Variants in USH2A observed in about 807,000 individuals in gnomAD.
USH2A encodes the protein usherin.
USH2A carries 443 observed loss-of-function variants against 538.9 expected under a neutral mutation model. The observed-to-expected ratio is 0.82, with a 90% CI of 0.76 to 0.89. The LOEUF (loss-of-function observed/expected upper bound fraction) is 0.89. USH2A is among the 40% of genes least tolerant of loss of function. The pLI is 0.00. For synonymous variants in USH2A, 2,413 were observed against 2,273.5 expected (o/e 1.06, Z -1.75); for missense variants, 6,633 against 6,324.8 (o/e 1.05, Z -1.65).
In USH2A at chr1:216,140,980, T is replaced by A. The variant is rs191180093; in HGVS notation, c.4627+34272A>T. Among the ~76,000 whole-genome samples, 1,020 of 152,344 alleles carry A rather than the reference T, an allele frequency of 6.7e-3. 16 individuals are homozygous for A. The highest frequency in any genetic ancestry group is 0.022 in the African/African-American group (900 of 41,576). ...ACAACATATGTCTTTCTTCCACAGA[T>A]GAAATAGAATTGCTCCCTTGGGAGA... On this transcript the variant is annotated intron_variant, in intron 21 of 71. Transcript: ENST00000307340.
intron 21 of USH2A, among the ~76,000 whole-genome samples, chr1:216,130,434 T>C (rs1017744116): frequency 6.6e-6 from 1 of 151,166 alleles, no homozygotes; most frequent in African/African-American, 2.4e-5. Flanking sequence ...CCTGAGTTGC[T>C]TCACTTAGGA....
At position 216,246,748 on chromosome 1, in the gene USH2A, A is replaced by G; in HGVS notation, c.2646T>C (p.Cys882=). ...LGVTGLRCNQ[C]EPHRYNLTID... Reference sequence around the variant, plus strand: ...TGGTCAAATTGTACCTGTGAGGCTCACACTGATTACAGCGAAGACCTGTTA... The same window carrying G: ...TGGTCAAATTGTACCTGTGAGGCTCGCACTGATTACAGCGAAGACCTGTTA... Residue 882 remains cysteine, a synonymous_variant, in exon 13 of 72, where the codon TGT becomes TGC. Transcript: ENST00000307340. 1.2e-6 allele frequency: 2 copies of G among 1,614,140 alleles called. No homozygotes were observed. Among genetic ancestry groups the G allele is most frequent in the Non-Finnish European group, 1.7e-6 (2 of 1,179,984 alleles).
chr1:215,631,615 C>T (rs1332236822), intron 70 of USH2A, among the ~76,000 whole-genome samples: 2 of 152,172 alleles, frequency 1.3e-5, no homozygotes, highest in Non-Finnish European at 2.9e-5. Context: ...CACCCGGTGC[C>T]CTGGTGTATC....
At chr1:215,812,072 C>T (rs1250260797) in intron 49 of USH2A, among the ~76,000 whole-genome samples, 7 of 140,052 alleles carry the variant, frequency 5.0e-5, no homozygotes, top group African/African-American at 1.3e-4. Flanking sequence ...GCAACCTCTG[C>T]CTCCCAGATT....
chr1:215,654,489 G>A lies in USH2A; in HGVS notation c.14134-3688C>T, dbSNP rs368567027. Among the ~76,000 whole-genome samples, 9 of 152,238 alleles carry A rather than the reference G, an allele frequency of 5.9e-5. No homozygotes were observed. The South Asian group carries it at 1.9e-3, about 32-fold the overall frequency. On this transcript the variant is annotated intron_variant, in intron 64 of 71. Coordinates refer to ENST00000307340, the MANE Select transcript of USH2A (RefSeq NM_206933.4). ...AAATACATTATTATTTGGGTTTGGTGAACACTTTCACATGTGAATGAGTGG... is the reference window on the plus strand; with the variant it reads ...AAATACATTATTATTTGGGTTTGGTAAACACTTTCACATGTGAATGAGTGG...
intron 22 of USH2A, among the ~76,000 whole-genome samples, chr1:216,091,401 GA>G (rs1360686302): frequency 1.3e-5 from 2 of 152,152 alleles, no homozygotes; most frequent in African/African-American, 4.8e-5. Context: ...ATTCAAAATT[GA>G]ATTTAATTAA....
At chr1:215,644,577 C>A (rs548783477) in intron 67 of USH2A, among the ~76,000 whole-genome samples, 7 of 152,120 alleles carry the variant, frequency 4.6e-5, no homozygotes. Context: ...GAGGAGAAAC[C>A]AGGAGAGGGT....
chr1:216,000,740 T>C (rs59822045), intron 32 of USH2A, among the ~76,000 whole-genome samples, 178 bp from the exon 33 acceptor site: 5,730 of 152,196 alleles, frequency 0.038, 352 homozygotes, highest in African/African-American at 0.13. Flanking sequence ...TAAATATACT[T>C]TGGTTATGTT....
At chr1:215,687,775 AT>A (rs1209297583) in intron 61 of USH2A, among the ~76,000 whole-genome samples, 1 of 152,132 alleles carries the variant, frequency 6.6e-6, no homozygotes, top group East Asian at 1.9e-4. Context: ...TAAAACTCAT[AT>A]AAAAATTTTC....
intron 49 of USH2A, among the ~76,000 whole-genome samples, chr1:215,806,729 T>C (rs1289347401): frequency 6.6e-6 from 1 of 152,090 alleles, no homozygotes; most frequent in African/African-American, 2.4e-5. Context: ...GTGTACCACT[T>C]TGTACAAGAT....
chr1:215,966,355 C>T (rs2102454824), intron 36 of USH2A, among the ~76,000 whole-genome samples: 1 of 152,276 alleles, frequency 6.6e-6, no homozygotes, highest in East Asian at 1.9e-4. Flanking sequence ...ACTACAAACT[C>T]ATCAGCATCA....
chr1:215,879,827 AGT>A (rs1335043937), intron 41 of USH2A, among the ~76,000 whole-genome samples: 1 of 152,234 alleles, frequency 6.6e-6, no homozygotes, highest in African/African-American at 2.4e-5. Flanking sequence ...ACAGGAGCAT[AGT>A]GGTAACACAC....
Position 215,979,651 on chromosome 1 carries a change from G to C in USH2A, c.6806-8875C>G, listed in dbSNP as rs562094085. 2.0e-5 allele frequency among the ~76,000 whole-genome samples: 3 copies of C among 152,202 alleles called. No individual in the cohort carries two copies. The East Asian group carries it at 5.8e-4, about 29-fold the overall frequency. Reference sequence around the variant, plus strand: ...AGGGATGTGGGAATGCTGCATTTCAGCAGTAGTCTGTGGCAGAAGAAATAT... The same window carrying C: ...AGGGATGTGGGAATGCTGCATTTCACCAGTAGTCTGTGGCAGAAGAAATAT... On this transcript the variant is annotated intron_variant, in intron 35 of 71. Coordinates refer to ENST00000307340, the MANE Select transcript of USH2A (RefSeq NM_206933.4).
chr1:215,985,466 C>G (rs1248661163), intron 35 of USH2A, among the ~76,000 whole-genome samples: 3 of 152,108 alleles, frequency 2.0e-5, no homozygotes, highest in African/African-American at 7.2e-5. Flanking sequence ...AATCTTTCTG[C>G]TTAACCAGCT....
At chr1:216,367,987 G>A (rs1162930231) in intron 3 of USH2A, among the ~76,000 whole-genome samples, 2 of 152,156 alleles carry the variant, frequency 1.3e-5, no homozygotes, top group Non-Finnish European at 2.9e-5. Context: ...TTATTGGTGT[G>A]TCTTGAATGA....
At position 216,231,249 on chromosome 1, in the gene USH2A, T is replaced by TATATTATATATATAA. The variant is rs1553318102; in HGVS notation, c.2993+703_2993+704insTTATATATATAATAT. 4.8e-5 allele frequency among the ~76,000 whole-genome samples: 4 copies of TATATTATATATATAA among 83,746 alleles called. 1 individual carries two copies. The highest frequency in any genetic ancestry group is 1.8e-4 in the African/African-American group (4 of 21,906). The allele number at this position is 83,746 out of a possible 152,430, so 54.9% of individuals were successfully genotyped here. ...CATATATCCCATATATATATATATA[T>TATATTATATATATAA]TATATATATAATATATATATATAAT... On this transcript the variant is annotated intron_variant, in intron 14 of 71. Transcript: ENST00000307340.
At chr1:216,103,938 T>C (rs1283035668) in intron 21 of USH2A, among the ~76,000 whole-genome samples, 1 of 152,202 alleles carries the variant, frequency 6.6e-6, no homozygotes, top group African/African-American at 2.4e-5. Flanking sequence ...GAAACTCTCA[T>C]ACATGCTAAT....
At chr1:216,291,133 T>C (rs112708341) in intron 10 of USH2A, among the ~76,000 whole-genome samples, 3,490 of 138,364 alleles carry the variant, frequency 0.025, 123 homozygotes, top group African/African-American at 0.078. Flanking sequence ...AACCCTTAAG[T>C]GTCATCTCCT....
chr1:215,820,841 T>A (rs1231820342), intron 47 of USH2A, among the ~76,000 whole-genome samples: 2 of 151,902 alleles, frequency 1.3e-5, no homozygotes, highest in African/African-American at 2.4e-5. Context: ...ACATGCAATG[T>A]TTGTCTTTCT....
Sources: allele counts gnomAD v4.1 joint callset (sites outside exome capture counted in the v4.1 genomes callset), GRCh38; gene constraint gnomAD v4.1.1; transcripts MANE v1.5; gene names NCBI Gene and HGNC (gene_info 2026-07-23, HGNC 2026-07-21).